UNC13C: variants seen among roughly 807,000 people sequenced by gnomAD.
UNC13C encodes unc-13 homolog C.
A neutral mutation model predicts 245.4 loss-of-function variants in UNC13C; 174 were observed. The ratio of observed to expected loss-of-function variants is 0.71; its 90% CI spans 0.63 to 0.80. The LOEUF is 0.80. Ranked by LOEUF, UNC13C falls within the 30% of genes least tolerant of loss-of-function variation. The probability of loss-of-function intolerance (pLI) is 0.00; values close to 1 mark genes in which losing one functional copy is unlikely to be tolerated. For missense variants in UNC13C, 2,829 were observed against 2,602.9 expected (o/e 1.09, Z -1.89); for synonymous variants, 992 against 895.1 (o/e 1.11, Z -1.93).
At chr15:53,913,663 T>G in the UNC13C span, 4 of 152,136 alleles carry the variant, frequency 2.6e-5, no homozygotes, top group African/African-American at 9.7e-5. Context: ...CTTACAGCAG[T>G]AAAGTACACT....
intron 19 of UNC13C, among the ~76,000 whole-genome samples, chr15:54,436,564 C>G (rs991682377): frequency 1.6e-4 from 24 of 151,956 alleles, no homozygotes; most frequent in Non-Finnish European, 3.2e-4. Context: ...AACACAGGAA[C>G]AGAAAACCAA....
chr15:54,604,493 G>A (rs1370903659), intron 30 of UNC13C, among the ~76,000 whole-genome samples: 1 of 152,134 alleles, frequency 6.6e-6, no homozygotes, highest in African/African-American at 2.4e-5. Context: ...TTGCAGTTTT[G>A]GGGGATCACT....
chr15:54,270,224 T>G (rs1202851701), intron 10 of UNC13C, among the ~76,000 whole-genome samples: 2 of 152,216 alleles, frequency 1.3e-5, no homozygotes, highest in Non-Finnish European at 2.9e-5. Flanking sequence ...CAGAAAGAAA[T>G]GAGTTCACAG....
chr15:54,126,065 A>G (rs2031017640), intron 2 of UNC13C, among the ~76,000 whole-genome samples: 1 of 152,214 alleles, frequency 6.6e-6, no homozygotes, highest in Non-Finnish European at 1.5e-5. Flanking sequence ...AAAAAAGAAA[A>G]TACAGAAATG....
At chr15:53,870,536 T>C in the UNC13C span, among the ~76,000 whole-genome samples, 3 of 151,516 alleles carry the variant, frequency 2.0e-5, no homozygotes, top group Non-Finnish European at 4.4e-5. Context: ...CCATTCAGCT[T>C]ACCTTCCTAC....
chr15:54,298,936 AC>A (rs757571619), intron 12 of UNC13C, among the ~76,000 whole-genome samples: 26 of 152,236 alleles, frequency 1.7e-4, no homozygotes, highest in Non-Finnish European at 2.9e-4. Flanking sequence ...AAATATTTAT[AC>A]CCCATTTTAC....
At chr15:54,515,866 G>T (rs1468073941) in intron 24 of UNC13C, among the ~76,000 whole-genome samples, 6 of 152,136 alleles carry the variant, frequency 3.9e-5, no homozygotes, top group Admixed American at 6.6e-5. Context: ...CTCAAAAAAG[G>T]ATTGACTCTT....
intron 30 of UNC13C, among the ~76,000 whole-genome samples, chr15:54,621,776 A>G (rs955246442): frequency 3.9e-5 from 6 of 152,200 alleles, no homozygotes; most frequent in Admixed American, 1.3e-4. Flanking sequence ...TTCCAACACA[A>G]TAAGTTTAAC....
chr15:54,354,442 C>T (rs1196552198), intron 17 of UNC13C, among the ~76,000 whole-genome samples: 1 of 152,150 alleles, frequency 6.6e-6, no homozygotes, highest in Admixed American at 6.5e-5. Flanking sequence ...GATTATAACA[C>T]ACAAAATACA....
intron 23 of UNC13C, among the ~76,000 whole-genome samples, chr15:54,510,394 C>T (rs181829986): frequency 9.3e-4 from 142 of 152,198 alleles, no homozygotes; most frequent in African/African-American, 3.4e-3. Context: ...GAAAATGTGG[C>T]CCTACTCACT....
At chr15:53,868,318 A>G in the UNC13C span, among the ~76,000 whole-genome samples, 2 of 152,196 alleles carry the variant, frequency 1.3e-5, no homozygotes, top group African/African-American at 2.4e-5. Flanking sequence ...ACTGATCCGC[A>G]CAAAACCCAG....
At chr15:54,172,719 T>A (rs145307981) in intron 4 of UNC13C, among the ~76,000 whole-genome samples, 15 of 35,412 alleles carry the variant, frequency 4.2e-4, no homozygotes, top group South Asian at 7.4e-4. Flanking sequence ...TATATATATA[T>A]ATATATATAT....
At chr15:54,434,187 C>T (rs138948384) in intron 19 of UNC13C, among the ~76,000 whole-genome samples, 1 of 152,062 alleles carries the variant, frequency 6.6e-6, no homozygotes, top group Non-Finnish European at 1.5e-5. Context: ...AATGCTATCC[C>T]CATCAGCTAC....
intron 1 of UNC13C, among the ~76,000 whole-genome samples, chr15:54,005,891 AG>A (rs1405386235): frequency 6.6e-6 from 1 of 152,206 alleles, no homozygotes; most frequent in East Asian, 1.9e-4. Context: ...ATGATATTTA[AG>A]GGAAATTAGA....
chr15:53,889,702 ACT>A, the UNC13C span, among the ~76,000 whole-genome samples: 2 of 151,946 alleles, frequency 1.3e-5, no homozygotes, highest in East Asian at 1.9e-4. Flanking sequence ...GTCATAAATA[ACT>A]CTTATTATTT....
chr15:54,134,028 A>C (rs2031585505), intron 2 of UNC13C, among the ~76,000 whole-genome samples: 1 of 147,202 alleles, frequency 6.8e-6, no homozygotes, highest in Admixed American at 7.1e-5. Flanking sequence ...CAACTAATAC[A>C]TCCATCACTA....
chr15:54,313,529 A>G (rs1415416280), intron 13 of UNC13C, among the ~76,000 whole-genome samples: 1 of 151,846 alleles, frequency 6.6e-6, no homozygotes, highest in African/African-American at 2.4e-5. Flanking sequence ...AAGAAAGATA[A>G]TTCAACTTGT....
At chr15:54,152,998 TA>T (rs1243121342) in intron 4 of UNC13C, among the ~76,000 whole-genome samples, 1 of 152,214 alleles carries the variant, frequency 6.6e-6, no homozygotes, top group Non-Finnish European at 1.5e-5. Context: ...ACAGACAGAC[TA>T]TATAGTAGTC....
At chr15:54,139,756 A>T (rs995603656) in intron 2 of UNC13C, among the ~76,000 whole-genome samples, 1 of 152,124 alleles carries the variant, frequency 6.6e-6, no homozygotes, top group Non-Finnish European at 1.5e-5. Context: ...AGTAAGTCTA[A>T]ATTTAAAAAT....
Sources: gnomAD v4.1 joint callset for allele counts (sites outside exome capture counted in the v4.1 genomes callset) on GRCh38, gnomAD v4.1.1 for gene constraint, MANE v1.5 for transcripts, NCBI Gene and HGNC (gene_info 2026-07-23, HGNC 2026-07-21) for gene names.